DKK3: variants seen among roughly 807,000 people sequenced by gnomAD.
DKK3 encodes dickkopf Wnt signaling pathway inhibitor 3.
Under a neutral mutation model 33.2 loss-of-function variants are expected in DKK3, and 22 were observed. The observed-to-expected ratio is 0.66, with a 90% CI of 0.47 to 0.95. DKK3 has a LOEUF of 0.95. Among genes scored for constraint, DKK3 ranks in the 40% least tolerant of loss-of-function variants. The probability of loss-of-function intolerance (pLI) is 0.00; values close to 1 mark genes in which losing one functional copy is unlikely to be tolerated. For missense variants in DKK3, 398 were observed against 458.4 expected (o/e 0.87, Z 1.20); for synonymous variants, 194 against 188.8 (o/e 1.03, Z -0.23).
In DKK3 at chr11:11,965,064, A is replaced by G. The variant is rs1358093393; in HGVS notation, c.831-378T>C. Reference sequence around the variant, plus strand: ...TGACTCTGGGGTGTAGTCTAGCCACATGCAGGGAGCCATGGACCTCTGTGG... The same window carrying G: ...TGACTCTGGGGTGTAGTCTAGCCACGTGCAGGGAGCCATGGACCTCTGTGG... On this transcript the variant is annotated intron_variant, in intron 6 of 6. Transcript: ENST00000683431. Among the ~76,000 whole-genome samples, 3 of 152,312 alleles carry G rather than the reference A, an allele frequency of 2.0e-5. No individual in the cohort carries two copies. The East Asian group carries it at 5.8e-4, about 29-fold the overall frequency.
intron 3 of DKK3, among the ~76,000 whole-genome samples, chr11:11,992,504 C>G (rs1037620421): frequency 6.6e-6 from 1 of 152,188 alleles, no homozygotes; most frequent in Non-Finnish European, 1.5e-5. Flanking sequence ...TGACTCAGCC[C>G]ATCAGCCGCC....
intron 3 of DKK3, among the ~76,000 whole-genome samples, chr11:11,985,754 C>A (rs1270737824): frequency 6.6e-6 from 1 of 152,202 alleles, no homozygotes; most frequent in Non-Finnish European, 1.5e-5. Context: ...AGGAAAGTAG[C>A]TCATATGAAA....
At chr11:12,007,260 C>T (rs755148554) in intron 1 of DKK3, among the ~76,000 whole-genome samples, 1 of 152,194 alleles carries the variant, frequency 6.6e-6, no homozygotes, top group African/African-American at 2.4e-5. Context: ...AAGGGGGATA[C>T]CAAGCTGGAG....
intron 3 of DKK3, among the ~76,000 whole-genome samples, chr11:11,982,138 G>A (rs1847967807): frequency 6.6e-6 from 1 of 152,178 alleles, no homozygotes; most frequent in Non-Finnish European, 1.5e-5. Context: ...ATCTGGAGCT[G>A]CCTCTGGGGA....
chr11:12,003,134 T>G (rs1317458843), intron 1 of DKK3, among the ~76,000 whole-genome samples: 1 of 152,228 alleles, frequency 6.6e-6, no homozygotes, highest in African/African-American at 2.4e-5. Flanking sequence ...TCATCACACT[T>G]TCCCACTTCC....
At chr11:11,968,360 T>A in intron 4 of DKK3, 35 bp downstream of exon 4, 1 of 1,586,550 alleles carries the variant, frequency 6.3e-7, no homozygotes, top group Non-Finnish European at 8.6e-7. Context: ...CCTGAGACCC[T>A]GGTGCCACAG....
At chr11:12,009,225 G>T, upstream of DKK3, 2 of 984,798 alleles carry the variant, frequency 2.0e-6, no homozygotes, top group Non-Finnish European at 2.4e-6. Flanking sequence ...CGCTCCCGCC[G>T]GGAGGCCGCC....
intron 3 of DKK3, among the ~76,000 whole-genome samples, chr11:11,991,607 G>A (rs926924535): frequency 1.3e-5 from 2 of 151,528 alleles, no homozygotes; most frequent in Non-Finnish European, 2.9e-5. Context: ...CTCTCTCTCT[G>A]TCTCTCTCCT....
At chr11:11,980,199 G>C (rs868325217) in intron 3 of DKK3, among the ~76,000 whole-genome samples, 4 of 152,236 alleles carry the variant, frequency 2.6e-5, no homozygotes, top group African/African-American at 9.6e-5. Flanking sequence ...GAGCATCCCG[G>C]ATGGGGGTCC....
intron 3 of DKK3, among the ~76,000 whole-genome samples, chr11:11,992,981 T>C (rs915139800): frequency 2.6e-5 from 4 of 152,240 alleles, no homozygotes; most frequent in Admixed American, 6.5e-5. Flanking sequence ...CCACTGTAGG[T>C]GAGGGCTGGT....
intron 3 of DKK3, among the ~76,000 whole-genome samples, chr11:11,986,475 G>A (rs1288472132): frequency 6.6e-6 from 1 of 152,122 alleles, no homozygotes; most frequent in Non-Finnish European, 1.5e-5. Flanking sequence ...TCTCCCCTGA[G>A]CCCAAGGAGC....
At chr11:11,966,812 A>T in intron 5 of DKK3, 142 bp downstream of exon 5, 1 of 1,179,740 alleles carries the variant, frequency 8.5e-7, no homozygotes, top group Non-Finnish European at 1.2e-6. Flanking sequence ...GTGGGAGTGC[A>T]GCACACACTG....
rs143372121 is a variant in DKK3, at chr11:11,971,908, G to C, written c.436-3421C>G. On this transcript the variant is annotated intron_variant, in intron 3 of 6. Transcript: ENST00000683431. ...ATACCAAAGCTACTGGTTTCCTTTGGGGTATCAGCAAGGAGTGCTGGTAGG... is the reference window on the plus strand; with the variant it reads ...ATACCAAAGCTACTGGTTTCCTTTGCGGTATCAGCAAGGAGTGCTGGTAGG... Among the ~76,000 whole-genome samples, 1,151 of 152,210 alleles carry C rather than the reference G, an allele frequency of 7.6e-3. 19 individuals are homozygous for C. Among genetic ancestry groups the C allele is most frequent in the African/African-American group, 0.027 (1,108 of 41,514 alleles).
chr11:12,002,468 T>A (rs755089177), intron 1 of DKK3, 31 bp from the exon 2 acceptor site: 1 of 1,596,836 alleles, frequency 6.3e-7, no homozygotes, highest in East Asian at 2.2e-5. Flanking sequence ...ATGAGCAAAA[T>A]TATTTTCTCT....
chr11:11,994,764 C>T (rs544219833), intron 3 of DKK3: 2 of 152,270 alleles, frequency 1.3e-5, no homozygotes, highest in Non-Finnish European at 1.5e-5. Flanking sequence ...AGCGCTTGTT[C>T]GATACACTTT....
At chr11:11,997,939 C>A (rs1848333443) in intron 3 of DKK3, among the ~76,000 whole-genome samples, 1 of 152,146 alleles carries the variant, frequency 6.6e-6, no homozygotes, top group Admixed American at 6.5e-5. Flanking sequence ...GGGGGGCTGG[C>A]TTCCTGCGGT....
Position 12,008,388 on chromosome 11 carries a change from C to CAATTTGTGCTGCGT in DKK3, c.181_194dup (p.Ala68ThrfsTer23). 6.2e-7 allele frequency: 1 copy of CAATTTGTGCTGCGT among 1,607,282 alleles called. No individual in the cohort carries two copies. Among genetic ancestry groups the CAATTTGTGCTGCGT allele is most frequent in the African/African-American group, 1.3e-5 (1 of 74,860 alleles). On this transcript the variant is annotated frameshift_variant, in exon 1 of 7. Coordinates refer to ENST00000683431, the MANE Select transcript of DKK3 (RefSeq NM_001018057.2). LOFTEE classifies it high-confidence loss of function. This position sits in a 1 kb window ranked among gnomAD's most constrained non-coding sequence, Gnocchi z 4.6. ...CACCCACCTCTTCCACCGCGCTGCGCAATTTGTGCTGCGTGTCCTCCATCA... is the reference window on the plus strand; with the variant it reads ...CACCCACCTCTTCCACCGCGCTGCGCAATTTGTGCTGCGTAATTTGTGCTGCGTGTCCTCCATCA...
intron 2 of DKK3, among the ~76,000 whole-genome samples, chr11:11,999,999 A>G (rs1403941145): frequency 6.6e-6 from 1 of 152,254 alleles, no homozygotes; most frequent in Non-Finnish European, 1.5e-5. Flanking sequence ...TATAGAATTA[A>G]CCAATGTCAT....
upstream of DKK3, chr11:12,009,312 C>T (rs1243998044): frequency 3.1e-6 from 3 of 982,822 alleles, no homozygotes; most frequent in Admixed American, 1.9e-4. Context: ...GCGGCAGCGC[C>T]GGTACCCGAG....
Sources: allele counts gnomAD v4.1 joint callset (sites outside exome capture counted in the v4.1 genomes callset), GRCh38; gene constraint gnomAD v4.1.1; non-coding constraint Gnocchi (gnomAD v3.1); transcripts MANE v1.5; gene names NCBI Gene and HGNC (gene_info 2026-07-23, HGNC 2026-07-21).